MYOF: variants seen among roughly 807,000 people sequenced by gnomAD.
The protein encoded by MYOF is myoferlin, also known as fer-1-like 3, myoferlin.
Under a neutral mutation model 284.2 loss-of-function variants are expected in MYOF, and 244 were observed. That is an observed-to-expected ratio of 0.86 (90% CI 0.77 to 0.95). MYOF has a LOEUF of 0.95. Ranked by LOEUF, MYOF falls within the 40% of genes least tolerant of loss-of-function variation. The pLI, the probability that MYOF is intolerant of heterozygous loss-of-function variation, is 0.00. For missense variants in MYOF, 2,496 were observed against 2,560.6 expected (o/e 0.97, Z 0.54); for synonymous variants, 904 against 919.7 (o/e 0.98, Z 0.31).
chr10:93,333,704 C>A, intron 42 of MYOF, 54 bp downstream of exon 42: 2 of 1,591,772 alleles, frequency 1.3e-6, no homozygotes, highest in South Asian at 1.1e-5. Flanking sequence ...ATTATTGTGG[C>A]TGATGACTGT....
chr10:93,384,405 C>T (rs760504984), intron 19 of MYOF, among the ~76,000 whole-genome samples: 3 of 152,076 alleles, frequency 2.0e-5, no homozygotes, highest in Non-Finnish European at 2.9e-5. Flanking sequence ...TTTGGGAGGC[C>T]GAGGCTGGCG....
chr10:93,351,110 A>T (rs1175844288), intron 35 of MYOF, 87 bp downstream of exon 35: 1 of 1,381,126 alleles, frequency 7.2e-7, no homozygotes, highest in African/African-American at 1.4e-5. Context: ...GAAAATATGC[A>T]GCAGGATTCT....
At chr10:93,363,930 T>C in intron 27 of MYOF, 31 bp downstream of exon 27, 1 of 1,598,656 alleles carries the variant, frequency 6.3e-7, no homozygotes, top group East Asian at 2.2e-5. Flanking sequence ...AGGTGACAGG[T>C]GAGAGTTTCT....
At chr10:93,373,256 G>GGCGGTC (rs1432825100) in intron 23 of MYOF, among the ~76,000 whole-genome samples, 171 bp from the exon 24 acceptor site, 3 of 152,186 alleles carry the variant, frequency 2.0e-5, no homozygotes, top group Non-Finnish European at 4.4e-5. Flanking sequence ...CGCACTGTGA[G>GGCGGTC]TTTGCAGGGC....
intron 22 of MYOF, among the ~76,000 whole-genome samples, chr10:93,376,507 A>G (rs1198078362): frequency 1.6e-5 from 2 of 122,038 alleles, no homozygotes; most frequent in African/African-American, 9.3e-5. Flanking sequence ...CAGAACTTAA[A>G]CAAGCACCCC....
Position 93,374,854 on chromosome 10 carries a change from G to T in MYOF, c.2210C>A (p.Ala737Asp), listed in dbSNP as rs1175709294. 1 of 1,614,124 alleles carries T rather than the reference G, an allele frequency of 6.2e-7. No homozygotes were observed. Among genetic ancestry groups the T allele is most frequent in the Non-Finnish European group, 8.5e-7 (1 of 1,180,016 alleles). Residue 737 changes from alanine to aspartate, a missense_variant, in exon 23 of 54, where the codon GCT (alanine) becomes GAT (aspartate). This residue lies in a region of MYOF where 2,436 missense variants were observed against 2,480.7 expected (regional missense o/e 0.98). Coordinates refer to ENST00000359263, the MANE Select transcript of MYOF (RefSeq NM_013451.4). ...TGTGGCTTCCGACCTCATCCTCACA[G>T]CCGCCTCATGTATTTGGGAGAGAGA... ...SRSLSQIHEA[A>D]VRMRSEATDV...
At chr10:93,328,228 G>T (rs778322938) in intron 45 of MYOF, among the ~76,000 whole-genome samples, 1 of 152,132 alleles carries the variant, frequency 6.6e-6, no homozygotes, top group Non-Finnish European at 1.5e-5. Flanking sequence ...AGCACAGTTC[G>T]CATGCTCTAT....
intron 49 of MYOF, among the ~76,000 whole-genome samples, chr10:93,318,848 G>C (rs931690501): frequency 1.3e-5 from 2 of 152,184 alleles, no homozygotes; most frequent in Non-Finnish European, 2.9e-5. Flanking sequence ...CTGGTGGCTG[G>C]TACATTCTGA....
At chr10:93,424,355 G>C (rs545420796) in intron 5 of MYOF, among the ~76,000 whole-genome samples, 6 of 152,198 alleles carry the variant, frequency 3.9e-5, no homozygotes, top group African/African-American at 9.7e-5. Context: ...AATAGTCATC[G>C]GCAGCGGAGG....
chr10:93,399,634 G>A (rs1395136219), intron 12 of MYOF, 139 bp from the exon 13 acceptor site: 1 of 613,046 alleles, frequency 1.6e-6, no homozygotes, highest in Non-Finnish European at 2.8e-6. Flanking sequence ...AGGACTTTGA[G>A]AGGCCAAGGC....
chr10:93,328,852 G>C lies in MYOF; in HGVS notation c.5042C>G (p.Ala1681Gly), dbSNP rs1344207059. 6.2e-7 allele frequency: 1 copy of C among 1,613,776 alleles called. No homozygotes were observed. Among genetic ancestry groups the C allele is most frequent in the Admixed American group, 1.7e-5 (1 of 60,020 alleles). The change falls in exon 45 of 54, where the codon GCC becomes GGC. Residue 1681 changes from alanine to glycine, a missense_variant. Ala to Gly is a moderately conservative substitution (Grantham distance 60). This residue lies in a region of MYOF where 2,436 missense variants were observed against 2,480.7 expected (regional missense o/e 0.98). Transcript: ENST00000359263. ...GGGTTGTGGGAAGCCTTTGAATCTG[G>C]CGACATTTTGAAGCAGCTGTGTTGG... is the stretch of plus-strand genomic sequence containing the variant. ...LRPTQLLQNV[A>G]RFKGFPQPIL...
intron 50 of MYOF, among the ~76,000 whole-genome samples, chr10:93,315,846 C>T (rs774760346): frequency 2.0e-5 from 3 of 151,750 alleles, no homozygotes; most frequent in African/African-American, 4.8e-5. Flanking sequence ...GGAGGCTGGG[C>T]GCTGTGGCTT....
At position 93,404,053 on chromosome 10, in the gene MYOF, CAG is replaced by C. The variant is rs761213649; in HGVS notation, c.811_812del (p.Leu271AlafsTer10). On this transcript the variant is annotated frameshift_variant, in exon 9 of 54. Transcript: ENST00000359263. LOFTEE classifies it high-confidence loss of function. The part of the protein sequence containing the change: ...ISIRVYNSHS[L>X]RADCLMGEFK... ...ATTCCCCCATCAGACAATCTGCCCG[CAG>C]AGAGTGAGAATTATAAACCTGGAAG... 6.2e-7 allele frequency: 1 copy of C among 1,613,988 alleles called. No individual in the cohort carries two copies. The highest frequency in any genetic ancestry group is 8.5e-7 in the Non-Finnish European group (1 of 1,180,008).
rs374665372 is a variant in MYOF at position 93,409,557 on chromosome 10, G to T, written c.600+16C>A. 6.2e-7 allele frequency: 1 copy of T among 1,609,768 alleles called. No homozygotes were observed. Among genetic ancestry groups the T allele is most frequent in the Non-Finnish European group, 8.5e-7 (1 of 1,178,608 alleles). On this transcript the variant is annotated intron_variant, in intron 6 of 53. Transcript: ENST00000359263. ...TAAAGATTAAACAAAGAAGCAGAAC[G>T]CCAGGCCGTTGCTACCTGGAAGTCC...
intron 51 of MYOF, among the ~76,000 whole-genome samples, chr10:93,311,153 G>A (rs901646950): frequency 1.3e-5 from 2 of 152,134 alleles, no homozygotes; most frequent in Non-Finnish European, 2.9e-5. Flanking sequence ...GTGAATGAAT[G>A]TTTTCTCCCT....
At chr10:93,423,393 C>T (rs191803005) in intron 5 of MYOF, among the ~76,000 whole-genome samples, 3 of 150,756 alleles carry the variant, frequency 2.0e-5, no homozygotes, top group Admixed American at 6.6e-5. Context: ...CGGGTGTGGT[C>T]GCGGGCGCCT....
At chr10:93,361,013 TACC>T (rs1489046736) in intron 28 of MYOF, among the ~76,000 whole-genome samples, 1 of 152,196 alleles carries the variant, frequency 6.6e-6, no homozygotes, top group Non-Finnish European at 1.5e-5. Flanking sequence ...TCACAGACGG[TACC>T]ACATGACCCA....
Position 93,482,241 on chromosome 10 carries a change from TA to T in MYOF, c.-48del. On this transcript the variant is annotated 5_prime_UTR_variant, in exon 1 of 54. Transcript: ENST00000359263. ...AAGTTTCAGCAAACGAAGTGGAGAC[TA>T]GGGCGCTGGAGCTCCGGGTCGCACC... The T allele has an allele frequency of 6.6e-7, 1 of 1,525,130 alleles. No individual in the cohort carries two copies. Among genetic ancestry groups the T allele is most frequent in the Non-Finnish European group, 9.1e-7 (1 of 1,104,378 alleles). The allele number at this position is 1,525,130 out of a possible 1,614,324, so 94.5% of individuals were successfully genotyped here.
chr10:93,356,207 T>C (rs375580022), intron 30 of MYOF, among the ~76,000 whole-genome samples: 3 of 152,288 alleles, frequency 2.0e-5, no homozygotes, highest in African/African-American at 4.8e-5. Context: ...GCCTGCTTTT[T>C]CCCCCGACTT....
Sources: allele counts gnomAD v4.1 joint callset (sites outside exome capture counted in the v4.1 genomes callset), GRCh38; gene constraint gnomAD v4.1.1; regional missense constraint gnomAD v4.1.1; transcripts MANE v1.5; gene names NCBI Gene and HGNC (gene_info 2026-07-23, HGNC 2026-07-21).